The following SYT10 variants were observed in gnomAD, a reference collection of about 807,000 sequenced individuals.
SYT10 encodes the protein synaptotagmin 10, also known as synaptotagmin-10.
A neutral mutation model predicts 51.1 loss-of-function variants in SYT10; 31 were observed. The ratio of observed to expected loss-of-function variants is 0.61; its 90% CI spans 0.46 to 0.82. The LOEUF (loss-of-function observed/expected upper bound fraction) is 0.82, where lower values mean the gene tolerates loss of function less well. Among genes scored for constraint, SYT10 ranks in the 40% least tolerant of loss-of-function variants. SYT10 has a pLI of 0.00. For synonymous variants in SYT10, 233 were observed against 225.9 expected (o/e 1.03, Z -0.28); for missense variants, 603 against 634.0 (o/e 0.95, Z 0.53).
intron 1 of SYT10, among the ~76,000 whole-genome samples, chr12:33,438,588 T>C (rs371550453): frequency 6.6e-6 from 1 of 152,288 alleles, no homozygotes; most frequent in East Asian, 1.9e-4. Flanking sequence ...GATATCCTCC[T>C]GCATCCAGCC....
Position 33,407,008 on chromosome 12 carries a change from G to A in SYT10, c.858C>T (p.Arg286=), listed in dbSNP as rs767336073. The stretch of plus-strand genomic sequence containing the variant: ...GAGGATTTAAAGTCTTTCTGTGCAC[G>A]CGGGTCTGAAATTTCTTTTTCCTAT... ...LPDRKKKFQT[R]VHRKTLNPLF... Residue 286 remains arginine, a synonymous_variant, in exon 3 of 7, where the codon CGC becomes CGT. Transcript: ENST00000228567. 10 of 1,614,116 alleles carry A rather than the reference G, an allele frequency of 6.2e-6. No individual in the cohort carries two copies. Among genetic ancestry groups the A allele is most frequent in the South Asian group, 1.1e-5 (1 of 91,076 alleles).
Position 33,382,458 on chromosome 12 carries a change from T to C in SYT10, c.1261A>G (p.Thr421Ala), listed in dbSNP as rs1279499472. Residue 421 changes from threonine to alanine, a missense_variant, in exon 5 of 7, where the codon ACA (threonine) becomes GCA (alanine). Transcript: ENST00000228567. ...ACAGGGTTTAGAGTGTTTTTCTTTG[T>C]AGTTGTTTTCCTCTTTTTTAATCTT... Reference protein sequence around the residue: ...GRRLKKRKTTTKKNTLNPVYN... With the variant: ...GRRLKKRKTTAKKNTLNPVYN... 4 of 1,613,232 alleles carry C rather than the reference T, an allele frequency of 2.5e-6. No homozygotes were observed. In the African/African-American group the frequency reaches 5.3e-5, roughly 22 times the overall value.
chr12:33,385,589 C>T (rs1254531336), intron 3 of SYT10, among the ~76,000 whole-genome samples: 1 of 152,184 alleles, frequency 6.6e-6, no homozygotes, highest in African/African-American at 2.4e-5. Flanking sequence ...AGTGTTTCCG[C>T]AATCAACAAA....
chr12:33,410,999 T>A (rs1866400303), intron 2 of SYT10, among the ~76,000 whole-genome samples: 1 of 152,160 alleles, frequency 6.6e-6, no homozygotes, highest in Admixed American at 6.5e-5. Context: ...TGTAACCCAA[T>A]CAGGTACTTA....
At chr12:33,391,254 T>A (rs1316172129) in intron 3 of SYT10, among the ~76,000 whole-genome samples, 5 of 147,262 alleles carry the variant, frequency 3.4e-5, no homozygotes, top group Admixed American at 2.7e-4. Flanking sequence ...TTTATTTTAT[T>A]TTTTTTTATC....
intron 3 of SYT10, among the ~76,000 whole-genome samples, chr12:33,387,747 G>GATT: frequency 8.2e-6 from 1 of 122,674 alleles, no homozygotes; most frequent in Middle Eastern, 4.5e-3. Context: ...CTTCTAACAT[G>GATT]TTTTTTTTTT....
At chr12:33,431,797 T>C (rs1591999212) in intron 1 of SYT10, among the ~76,000 whole-genome samples, 1 of 152,284 alleles carries the variant, frequency 6.6e-6, no homozygotes, top group Non-Finnish European at 1.5e-5. Flanking sequence ...TTCAACCTTA[T>C]AAGTCAAATT....
chr12:33,439,735 G>T lies in SYT10; in HGVS notation c.-213C>A, dbSNP rs963350944. The T allele has an allele frequency of 7.5e-5, 43 of 570,070 alleles. No homozygotes were observed. The highest frequency in any genetic ancestry group is 1.2e-4 in the Non-Finnish European group (40 of 337,260). 35.3% of individuals were successfully genotyped at this position (570,070 alleles called of 1,614,324 possible). ...AGGGGAAGGAGAGGCGCGCGAGGAG[G>T]CTGCGGCTGCCGCGAGGTTTGCGCC... On this transcript the variant is annotated 5_prime_UTR_variant, in exon 1 of 7. Coordinates refer to ENST00000228567, the MANE Select transcript of SYT10 (RefSeq NM_198992.4).
chr12:33,393,311 GAT>G (rs1339452258), intron 3 of SYT10, among the ~76,000 whole-genome samples: 2 of 152,170 alleles, frequency 1.3e-5, no homozygotes, highest in African/African-American at 4.8e-5. Context: ...CTGGTTAAGA[GAT>G]AATCATAAGC....
At chr12:33,389,483 T>A (rs1408663319) in intron 3 of SYT10, among the ~76,000 whole-genome samples, 3 of 152,162 alleles carry the variant, frequency 2.0e-5, no homozygotes, top group Non-Finnish European at 1.5e-5. Context: ...AAAATAATAT[T>A]TGAAAAAAAA....
intron 1 of SYT10, among the ~76,000 whole-genome samples, chr12:33,431,949 A>T (rs1229477487): frequency 6.6e-6 from 1 of 152,152 alleles, no homozygotes; most frequent in African/African-American, 2.4e-5. Flanking sequence ...AAAATGCATC[A>T]TTAACACTTT....
intron 1 of SYT10, among the ~76,000 whole-genome samples, chr12:33,434,315 T>C (rs1264826693): frequency 6.6e-6 from 1 of 152,222 alleles, no homozygotes; most frequent in African/African-American, 2.4e-5. Flanking sequence ...CTCTAATTTC[T>C]GCTATTATCA....
chr12:33,426,044 T>C, intron 2 of SYT10, 94 bp downstream of exon 2: 1 of 1,324,026 alleles, frequency 7.6e-7, no homozygotes, highest in Non-Finnish European at 1.0e-6. Context: ...AACTAAAGTT[T>C]TTCTCTCTTA....
intron 2 of SYT10, among the ~76,000 whole-genome samples, chr12:33,414,837 T>C (rs1358886024): frequency 6.6e-6 from 1 of 152,206 alleles, no homozygotes; most frequent in Non-Finnish European, 1.5e-5. Flanking sequence ...CCTGGAACTC[T>C]GAGGGTAGCT....
intron 3 of SYT10, among the ~76,000 whole-genome samples, chr12:33,399,053 G>C (rs1866281396): frequency 6.6e-6 from 1 of 152,152 alleles, no homozygotes; most frequent in Admixed American, 6.5e-5. Context: ...AAGCTAGATG[G>C]GAGTTATAAT....
At chr12:33,414,304 G>A (rs1223292034) in intron 2 of SYT10, among the ~76,000 whole-genome samples, 1 of 152,122 alleles carries the variant, frequency 6.6e-6, no homozygotes, top group Non-Finnish European at 1.5e-5. Flanking sequence ...GGATATCCAG[G>A]AATTGAACTC....
chr12:33,407,292 C>T lies in SYT10; in HGVS notation c.574G>A (p.Gly192Ser). 1 of 1,612,134 alleles carries T rather than the reference C, an allele frequency of 6.2e-7. No individual in the cohort carries two copies. Among genetic ancestry groups the T allele is most frequent in the Non-Finnish European group, 8.5e-7 (1 of 1,180,016 alleles). ...MQVSSVDFSM[G>S]TEPVLQRGET... ...CCTCGTTGTAAAACAGGTTCTGTGCCCATGCTAAAATCAACACTGGAAACC... is the reference window on the plus strand; with the variant it reads ...CCTCGTTGTAAAACAGGTTCTGTGCTCATGCTAAAATCAACACTGGAAACC... Residue 192 changes from glycine to serine, a missense_variant, in exon 3 of 7, where the codon GGC becomes AGC. By Grantham distance (56) the Gly-to-Ser change is moderately conservative (BLOSUM62 0). Coordinates refer to ENST00000228567, the MANE Select transcript of SYT10 (RefSeq NM_198992.4).
At chr12:33,387,507 G>C (rs1866166946) in intron 3 of SYT10, among the ~76,000 whole-genome samples, 1 of 152,106 alleles carries the variant, frequency 6.6e-6, no homozygotes, top group Non-Finnish European at 1.5e-5. Context: ...AGATATATCA[G>C]GCATTCAGTA....
chr12:33,380,009 A>G, intron 5 of SYT10, 48 bp from the exon 6 acceptor site: 1 of 1,539,092 alleles, frequency 6.5e-7, no homozygotes, highest in East Asian at 2.3e-5. Flanking sequence ...TTCAAAGATA[A>G]AGGGGGTTTC....
Sources: gnomAD v4.1 joint callset for allele counts (sites outside exome capture counted in the v4.1 genomes callset) on GRCh38, gnomAD v4.1.1 for gene constraint, MANE v1.5 for transcripts, NCBI Gene and HGNC (gene_info 2026-07-23, HGNC 2026-07-21) for gene names.